CDH3: variants seen among roughly 807,000 people sequenced by gnomAD.
CDH3 encodes cadherin 3.
CDH3 carries 54 observed loss-of-function variants against 82.0 expected under a neutral mutation model. The observed-to-expected ratio is 0.66, with a 90% CI of 0.53 to 0.83. The LOEUF is 0.83. CDH3 is among the 40% of genes least tolerant of loss of function. The probability of loss-of-function intolerance (pLI) is 0.00; values close to 1 mark genes in which losing one functional copy is unlikely to be tolerated. For synonymous variants in CDH3, 446 were observed against 437.9 expected (o/e 1.02, Z -0.23); for missense variants, 1,054 against 1,084.6 (o/e 0.97, Z 0.40).
At chr16:68,731,089 TATATATAATTATAAAATAC>T (rs1962281576), downstream of CDH3, among the ~76,000 whole-genome samples, 1 of 99,260 alleles carries the variant, frequency 1.0e-5, no homozygotes, top group African/African-American at 4.0e-5. Context: ...ATTATAAAAA[TATATATAATTATAAAATAC>T]ATATATAATT....
chr16:68,700,472 G>A (rs1289547563), downstream of CDH3, among the ~76,000 whole-genome samples: 1 of 152,218 alleles, frequency 6.6e-6, no homozygotes, highest in Non-Finnish European at 1.5e-5. Flanking sequence ...AGGCCAAGGA[G>A]CCTGAAGCCT....
chr16:68,695,658 G>T (rs1961698789), intron 14 of CDH3, 119 bp from the exon 15 acceptor site: 1 of 1,208,510 alleles, frequency 8.3e-7, no homozygotes, highest in East Asian at 2.4e-5. Context: ...CATCTGTCTT[G>T]TAAGACCTCC....
At chr16:68,718,898 A>G (rs1172708364) in intron 1 of CDH3, among the ~76,000 whole-genome samples, 1 of 152,200 alleles carries the variant, frequency 6.6e-6, no homozygotes, top group East Asian at 1.9e-4. Context: ...GTAAATGGAT[A>G]CAACAATTAA....
intron 1 of CDH3, among the ~76,000 whole-genome samples, chr16:68,714,815 C>T (rs1283731549): frequency 6.6e-6 from 1 of 152,012 alleles, no homozygotes; most frequent in Non-Finnish European, 1.5e-5. Flanking sequence ...CCAGGACTAG[C>T]CTGGGTCAAC....
In CDH3 at chr16:68,699,551, T is replaced by G. The variant is rs528634732; in HGVS notation, c.*1151T>G. On this transcript the variant is annotated 3_prime_UTR_variant, in exon 16 of 16. Transcript: ENST00000264012. ...CAGGCTGGAGTGCAGTGGTGTGATCTTGGCTCACTGCAAGCTCTGCCTCCT... is the reference window on the plus strand; with the variant it reads ...CAGGCTGGAGTGCAGTGGTGTGATCGTGGCTCACTGCAAGCTCTGCCTCCT... 6.6e-6 allele frequency: 1 copy of G among 151,802 alleles called. No individual in the cohort carries two copies. Among genetic ancestry groups the G allele is most frequent in the South Asian group, 2.1e-4 (1 of 4,788 alleles). The allele number at this position is 151,802 out of a possible 1,614,324, so 9.4% of individuals were successfully genotyped here.
intron 6 of CDH3, among the ~76,000 whole-genome samples, chr16:68,679,438 A>C (rs2152100441): frequency 6.6e-6 from 1 of 152,326 alleles, no homozygotes; most frequent in Admixed American, 6.5e-5. Flanking sequence ...CCACGCCTGG[A>C]ACCCTAGAAC....
At chr16:68,720,618 CT>C (rs5817649) in intron 1 of CDH3, among the ~76,000 whole-genome samples, 106,272 of 135,930 alleles carry the variant, frequency 0.78, 41,766 homozygotes, top group Non-Finnish European at 0.86. Context: ...TTTATTAAGT[CT>C]TTTTTTTTTT....
rs759681036 is a variant in CDH3 at position 68,676,454 on chromosome 16, A to C, written c.230A>C (p.Asn77Thr). 2 of 1,613,276 alleles carry C rather than the reference A, an allele frequency of 1.2e-6. No homozygotes were observed. Among genetic ancestry groups the C allele is most frequent in the Non-Finnish European group, 1.7e-6 (2 of 1,179,144 alleles). Residue 77 changes from asparagine (N) to threonine (T), a missense_variant, in exon 3 of 16, where the codon AAT becomes ACT. Coordinates refer to ENST00000264012, the MANE Select transcript of CDH3 (RefSeq NM_001793.6). The part of the protein sequence containing the change: ...STDNDDFTVR[N>T]GETVQERRSL... ...GATAATGATGACTTCACTGTGCGGA[A>C]TGGCGAGACAGTCCAGGTAAAATAC...
downstream of CDH3, among the ~76,000 whole-genome samples, chr16:68,701,543 A>G (rs1961893390): frequency 8.6e-6 from 1 of 115,770 alleles, no homozygotes; most frequent in African/African-American, 3.4e-5. Context: ...CATTACACAC[A>G]ATTTTTTTTT....
intron 2 of CDH3, among the ~76,000 whole-genome samples, chr16:68,665,787 C>CA (rs770805912): frequency 6.6e-6 from 1 of 152,112 alleles, no homozygotes; most frequent in Non-Finnish European, 1.5e-5. Context: ...AGGGAAGACT[C>CA]ACCTCCTAAG....
At chr16:68,728,612 A>G (rs2152112084), downstream of CDH3, among the ~76,000 whole-genome samples, 1 of 152,258 alleles carries the variant, frequency 6.6e-6, no homozygotes, top group East Asian at 1.9e-4. Context: ...GAGCTTCTTA[A>G]AGGCAGGGAC....
intron 1 of CDH3, among the ~76,000 whole-genome samples, chr16:68,716,318 A>T (rs1962094466): frequency 6.6e-6 from 1 of 151,608 alleles, no homozygotes; most frequent in African/African-American, 2.4e-5. Flanking sequence ...AATCATACTG[A>T]CATTAAAGTG....
intron 2 of CDH3, among the ~76,000 whole-genome samples, chr16:68,671,398 A>C (rs1306414236): frequency 6.6e-6 from 1 of 152,066 alleles, no homozygotes; most frequent in Non-Finnish European, 1.5e-5. Context: ...TAGATGGACA[A>C]CTTCTCCCTG....
Position 68,661,209 on chromosome 16 carries a change from C to A in CDH3, c.161-15176C>A, listed in dbSNP as rs117885697. On this transcript the variant is annotated intron_variant, in intron 2 of 15. Transcript: ENST00000264012. ...ATATTTATGGCACCATTTCAAATTT[C>A]TGCAGTTGAAGTTTGCATGAAATAT... 1.4e-4 allele frequency among the ~76,000 whole-genome samples: 22 copies of A among 152,300 alleles called. No individual in the cohort carries two copies. In the East Asian group the frequency reaches 4.2e-3, roughly 29 times the overall value.
In CDH3 at chr16:68,654,380, A is replaced by AT. The variant is rs1176713669; in HGVS notation, c.160+8668dup. ...GGCCTTTTTCTTAATTTTTAAATTA[A>AT]TTTTTTTTTTTTTTTTTTTTTTTTT... On this transcript the variant is annotated intron_variant, in intron 2 of 15. Coordinates refer to ENST00000264012, the MANE Select transcript of CDH3 (RefSeq NM_001793.6). 2.8e-3 allele frequency among the ~76,000 whole-genome samples: 137 copies of AT among 48,532 alleles called. 19 individuals are homozygous for AT. The highest frequency in any genetic ancestry group is 3.3e-3 in the Non-Finnish European group (95 of 29,222). The allele number at this position is 48,532 out of a possible 152,430, so 31.8% of individuals were successfully genotyped here.
At chr16:68,714,370 C>G (rs1403821707) in intron 1 of CDH3, among the ~76,000 whole-genome samples, 1 of 152,200 alleles carries the variant, frequency 6.6e-6, no homozygotes, top group Non-Finnish European at 1.5e-5. Flanking sequence ...GACTGAAAAC[C>G]TTCTGTGAAT....
chr16:68,653,687 C>CT (rs1217656175), intron 2 of CDH3, among the ~76,000 whole-genome samples: 4 of 147,374 alleles, frequency 2.7e-5, no homozygotes, highest in Admixed American at 2.0e-4. Flanking sequence ...CTTTTCTTTT[C>CT]TTTCTTTTTT....
chr16:68,674,685 T>C (rs111570142), intron 2 of CDH3, among the ~76,000 whole-genome samples: 380 of 152,204 alleles, frequency 2.5e-3, no homozygotes, highest in Middle Eastern at 6.8e-3. Context: ...TAGTGAGTTA[T>C]GATTGCACTG....
chr16:68,716,081 CA>C (rs1207087754), intron 1 of CDH3, among the ~76,000 whole-genome samples: 1 of 152,044 alleles, frequency 6.6e-6, no homozygotes, highest in Non-Finnish European at 1.5e-5. Context: ...CCTGCTTGAC[CA>C]ACATGGTGAA....
Sources: allele counts gnomAD v4.1 joint callset (sites outside exome capture counted in the v4.1 genomes callset), GRCh38; gene constraint gnomAD v4.1.1; transcripts MANE v1.5; gene names NCBI Gene and HGNC (gene_info 2026-07-23, HGNC 2026-07-21).